The following RIMS2 variants were observed in gnomAD, a reference collection of about 807,000 sequenced individuals.
The protein encoded by RIMS2 is regulating synaptic membrane exocytosis 2.
A neutral mutation model predicts 174.4 loss-of-function variants in RIMS2; 59 were observed. That is an observed-to-expected ratio of 0.34 (90% CI 0.27 to 0.42). The LOEUF (loss-of-function observed/expected upper bound fraction) is 0.42. RIMS2 is among the 10% of genes least tolerant of loss of function. RIMS2 has a pLI of 1.00. For missense variants in RIMS2, 1,620 were observed against 1,666.3 expected, an observed-to-expected ratio of 0.97 and a Z score of 0.48; for synonymous variants, 606 against 572.5, an observed-to-expected ratio of 1.06 and a Z score of -0.84.
At chr8:104,136,471 A>T (rs2098520788) in intron 19 of RIMS2, among the ~76,000 whole-genome samples, 1 of 152,242 alleles carries the variant, frequency 6.6e-6, no homozygotes, top group Non-Finnish European at 1.5e-5. Context: ...CCAAAAGTGT[A>T]TAACTTTCAA....
chr8:104,096,892 A>G (rs1326147881), intron 19 of RIMS2, among the ~76,000 whole-genome samples: 1 of 152,016 alleles, frequency 6.6e-6, no homozygotes, highest in Admixed American at 6.6e-5. Flanking sequence ...AAAAAAAGAA[A>G]AAGAAAAAGA....
chr8:104,068,662 C>G, intron 19 of RIMS2, 50 bp downstream of exon 23: 2 of 911,342 alleles, frequency 2.2e-6, no homozygotes, highest in Non-Finnish European at 3.5e-6. Context: ...TCATATGAAA[C>G]AGTTAGATTC....
chr8:103,922,628 T>C (rs982998905), intron 10 of RIMS2: 1 of 400,434 alleles, frequency 2.5e-6, no homozygotes, highest in Non-Finnish European at 5.0e-6. Flanking sequence ...CCTTGAATTT[T>C]GGATTAAAAA....
chr8:103,812,343 T>TTG (rs1564725402), intron 3 of RIMS2, among the ~76,000 whole-genome samples: 2 of 140,168 alleles, frequency 1.4e-5, no homozygotes, highest in African/African-American at 2.7e-5. Context: ...TTTTTTTTTT[T>TTG]TTTTTTTTTT....
At chr8:103,525,484 T>G (rs780821417) in intron 1 of RIMS2, among the ~76,000 whole-genome samples, 20 of 152,170 alleles carry the variant, frequency 1.3e-4, no homozygotes, top group Non-Finnish European at 2.5e-4. Context: ...TGCTTGAAGT[T>G]CACATTACAT....
chr8:103,636,788 A>T (rs13275342), intron 1 of RIMS2, among the ~76,000 whole-genome samples: 20 of 43,570 alleles, frequency 4.6e-4, no homozygotes, highest in African/African-American at 1.2e-3. Context: ...CCACCCCCGC[A>T]CCCCCCCCCC....
At chr8:103,915,571 A>G (rs937354198) in exon 7 of RIMS2, 7 of 1,596,254 alleles carry the variant, frequency 4.4e-6, no homozygotes, top group Non-Finnish European at 6.0e-6. Flanking sequence ...AGTTTAGCTG[A>G]TACTGTAGGA....
At chr8:103,697,554 A>AC (rs924568392) in intron 2 of RIMS2, among the ~76,000 whole-genome samples, 60 of 150,900 alleles carry the variant, frequency 4.0e-4, no homozygotes, top group African/African-American at 1.3e-3. Flanking sequence ...ACGAAAAAAA[A>AC]AAAAACAAAA....
intron 19 of RIMS2, among the ~76,000 whole-genome samples, chr8:104,205,281 C>G (rs768536468): frequency 6.6e-6 from 1 of 152,112 alleles, no homozygotes; most frequent in Non-Finnish European, 1.5e-5. Context: ...CTCTCTTTCT[C>G]CCTCCTGTGT....
chr8:103,863,908 G>GT (rs1564980820), intron 3 of RIMS2, among the ~76,000 whole-genome samples: 3 of 74,702 alleles, frequency 4.0e-5, no homozygotes, highest in Non-Finnish European at 5.3e-5. Flanking sequence ...TGTTTTTTTT[G>GT]TTTGTTTGTT....
intron 19 of RIMS2, among the ~76,000 whole-genome samples, chr8:104,218,917 C>G (rs537923180): frequency 3.9e-5 from 6 of 152,144 alleles, no homozygotes; most frequent in Non-Finnish European, 5.9e-5. Context: ...TAACCATGTT[C>G]CTGATGGAAC....
intron 1 of RIMS2, among the ~76,000 whole-genome samples, chr8:103,552,738 C>T (rs1334588584): frequency 6.6e-6 from 1 of 152,138 alleles, no homozygotes; most frequent in Non-Finnish European, 1.5e-5. Flanking sequence ...AGAACTTAAA[C>T]AAGTTTACAA....
At chr8:103,850,046 T>C (rs3913152) in intron 3 of RIMS2, among the ~76,000 whole-genome samples, 1 of 152,022 alleles carries the variant, frequency 6.6e-6, no homozygotes, top group Non-Finnish European at 1.5e-5. Flanking sequence ...ATGGATTCCA[T>C]ACTAGAAGGA....
At chr8:103,509,993 T>A (rs1225351047) in intron 1 of RIMS2, among the ~76,000 whole-genome samples, 1 of 152,180 alleles carries the variant, frequency 6.6e-6, no homozygotes, top group Non-Finnish European at 1.5e-5. Context: ...TTTTATATAA[T>A]ACAAATACTT....
intron 15 of RIMS2, among the ~76,000 whole-genome samples, chr8:103,967,279 G>C (rs2092152812): frequency 7.0e-6 from 1 of 142,740 alleles, no homozygotes. Context: ...TGCCTCCCAG[G>C]TTCAAGGTTC....
At chr8:104,057,327 C>T (rs1292668745) in intron 19 of RIMS2, among the ~76,000 whole-genome samples, 1 of 152,056 alleles carries the variant, frequency 6.6e-6, no homozygotes, top group African/African-American at 2.4e-5. Context: ...CTCAGCCTCT[C>T]AAAGTGCTGT....
intron 3 of RIMS2, among the ~76,000 whole-genome samples, chr8:103,793,683 C>G (rs1263560362): frequency 1.3e-5 from 2 of 152,100 alleles, no homozygotes; most frequent in African/African-American, 4.8e-5. Flanking sequence ...TAGAAAAACC[C>G]CATTGTCTCA....
chr8:103,933,842 T>C, intron 12 of RIMS2, among the ~76,000 whole-genome samples: 1 of 152,186 alleles, frequency 6.6e-6, no homozygotes, highest in South Asian at 2.1e-4. Flanking sequence ...GCTTTTGTTA[T>C]GAATTATTAA....
At chr8:103,742,655 G>A (rs1193194511) in intron 2 of RIMS2, among the ~76,000 whole-genome samples, 1 of 152,128 alleles carries the variant, frequency 6.6e-6, no homozygotes, top group Admixed American at 6.6e-5. Context: ...TTAACTGCTT[G>A]TAAGTTGCTA....
Sources: gnomAD v4.1 joint callset for allele counts (sites outside exome capture counted in the v4.1 genomes callset) on GRCh38, gnomAD v4.1.1 for gene constraint, MANE v1.5 for transcripts, NCBI Gene and HGNC (gene_info 2026-07-23, HGNC 2026-07-21) for gene names.